The following NOD1 variants were observed in gnomAD, a reference collection of about 807,000 sequenced individuals.
NOD1 encodes the protein nucleotide binding oligomerization domain containing 1, also known as nucleotide-binding oligomerization domain-containing protein 1.
A neutral mutation model predicts 81.2 loss-of-function variants in NOD1; 70 were observed. The observed-to-expected ratio is 0.86, with a 90% CI of 0.71 to 1.05. The LOEUF is 1.05. NOD1 is among the 50% of genes least tolerant of loss of function. The probability of loss-of-function intolerance (pLI) is 0.00; values close to 1 mark genes in which losing one functional copy is unlikely to be tolerated. For synonymous variants in NOD1, 508 were observed against 526.9 expected, an observed-to-expected ratio of 0.96 and a Z score of 0.49; for missense variants, 1,233 against 1,228.0, an observed-to-expected ratio of 1.00 and a Z score of -0.06.
chr7:30,460,671 A>G (rs139167105), intron 1 of NOD1: 1 of 985,452 alleles, frequency 1.0e-6, no homozygotes, highest in African/African-American at 1.7e-5. Context: ...ACCAAAAGCC[A>G]TCTCCTGAGG....
Position 30,451,335 on chromosome 7 carries a change from G to C in NOD1, c.2082C>G (p.Ala694=). The change falls in exon 6 of 14, where the codon GCC becomes GCG. Residue 694 remains alanine, a synonymous_variant. Transcript: ENST00000222823. The surrounding 1 kb of genome is among the most constrained non-coding windows in gnomAD (Gnocchi z 4.2). The part of the protein sequence containing the change: ...YCNACSADCS[A]LSFVLHHFPK... ...GGAAGTGATGCAGGACGAAGGAGAG[G>C]GCGCTGCAGTCGGCCGAGCAGGCGT... is the stretch of plus-strand genomic sequence containing the variant. 2 of 1,614,190 alleles carry C rather than the reference G, an allele frequency of 1.2e-6. No homozygotes were observed. Among genetic ancestry groups the C allele is most frequent in the Non-Finnish European group, 1.7e-6 (2 of 1,180,044 alleles).
intron 11 of NOD1, 63 bp from the exon 12 acceptor site, chr7:30,433,242 T>TC: frequency 7.4e-7 from 1 of 1,344,336 alleles, no homozygotes; most frequent in South Asian, 1.2e-5. Context: ...GTTTTAGAGT[T>TC]CACAGGAGCG....
At chr7:30,470,311 A>G (rs1209608223) in intron 1 of NOD1, among the ~76,000 whole-genome samples, 2 of 152,244 alleles carry the variant, frequency 1.3e-5, no homozygotes, top group African/African-American at 4.8e-5. Flanking sequence ...CGTGACCTAC[A>G]AGAGGGCAGC....
chr7:30,432,116 AAAATT>A (rs1269541654), intron 12 of NOD1, among the ~76,000 whole-genome samples: 3 of 152,308 alleles, frequency 2.0e-5, no homozygotes, highest in African/African-American at 2.4e-5. Context: ...AAAAAAAACA[AAAATT>A]AAAAACTGTT....
At position 30,451,041 on chromosome 7, in the gene NOD1, C is replaced by T. The variant is rs1409612709; in HGVS notation, c.2201+175G>A. 6.6e-6 allele frequency among the ~76,000 whole-genome samples: 1 copy of T among 152,190 alleles called. No individual in the cohort carries two copies. The highest frequency in any genetic ancestry group is 1.5e-5 in the Non-Finnish European group (1 of 68,030). On this transcript the variant is annotated intron_variant, in intron 6 of 13. Coordinates refer to ENST00000222823, the MANE Select transcript of NOD1 (RefSeq NM_006092.4). The surrounding 1 kb of genome is among the most constrained non-coding windows in gnomAD (Gnocchi z 4.2). ...CCCAGCTGTGGCTGATCCAGGTCCA[C>T]CTGCCTCGAAGCTTTGCACCTTGAC...
At chr7:30,469,592 G>A (rs1387997046) in intron 1 of NOD1, among the ~76,000 whole-genome samples, 1 of 152,088 alleles carries the variant, frequency 6.6e-6, no homozygotes. Flanking sequence ...GGCCTTCTGG[G>A]AAGTCCAATG....
chr7:30,446,087 G>C (rs766286257), intron 9 of NOD1, 54 bp downstream of exon 9: 9 of 1,303,202 alleles, frequency 6.9e-6, no homozygotes, highest in South Asian at 2.4e-5. Flanking sequence ...AGCAAGGCCC[G>C]CCCCCCACAC....
At chr7:30,470,387 G>A (rs1010070145) in intron 1 of NOD1, among the ~76,000 whole-genome samples, 1 of 152,218 alleles carries the variant, frequency 6.6e-6, no homozygotes, top group Non-Finnish European at 1.5e-5. Flanking sequence ...GCGACCATCT[G>A]GTGAGTCACC....
intron 11 of NOD1, among the ~76,000 whole-genome samples, chr7:30,435,358 C>A (rs1269283871): frequency 6.6e-6 from 1 of 152,096 alleles, no homozygotes; most frequent in East Asian, 1.9e-4. Context: ...AATTTTGAGC[C>A]AAGTGTGTGG....
chr7:30,474,092 C>T (rs1444425216), intron 1 of NOD1, among the ~76,000 whole-genome samples: 1 of 152,208 alleles, frequency 6.6e-6, no homozygotes, highest in Non-Finnish European at 1.5e-5. Flanking sequence ...TCAAAGCAAT[C>T]TTTCCAGATA....
intron 5 of NOD1, 34 bp from the exon 6 acceptor site, chr7:30,453,074 G>C: frequency 3.2e-6 from 5 of 1,569,628 alleles, no homozygotes; most frequent in Non-Finnish European, 4.3e-6. Context: ...ACAGCAGCAG[G>C]GTGAGGAGAG....
intron 13 of NOD1, among the ~76,000 whole-genome samples, chr7:30,428,210 A>G (rs966764296): frequency 2.6e-5 from 4 of 152,106 alleles, no homozygotes; most frequent in Admixed American, 6.5e-5. Flanking sequence ...AGCTGGGACT[A>G]CAGGCACATA....
chr7:30,465,493 G>T (rs1012467273), intron 1 of NOD1, among the ~76,000 whole-genome samples: 2 of 152,264 alleles, frequency 1.3e-5, no homozygotes, highest in Non-Finnish European at 1.5e-5. Context: ...TTGTGACTAT[G>T]AGCGCCTTCC....
intron 12 of NOD1, among the ~76,000 whole-genome samples, chr7:30,431,311 T>C (rs538662306): frequency 6.6e-6 from 1 of 152,028 alleles, no homozygotes; most frequent in African/African-American, 2.4e-5. Context: ...ACAAGGTGAG[T>C]CTGAATTCAT....
intron 8 of NOD1, chr7:30,446,691 C>A (rs1785125590): frequency 4.5e-6 from 2 of 442,452 alleles, no homozygotes; most frequent in East Asian, 4.1e-5. Context: ...TCCCTTGGGG[C>A]AAAAAGACCA....
intron 5 of NOD1, among the ~76,000 whole-genome samples, chr7:30,454,290 G>A (rs540229318): frequency 6.8e-4 from 104 of 152,360 alleles, no homozygotes; most frequent in African/African-American, 2.5e-3. Context: ...CAAAAGCAGG[G>A]AAAGAAGACT....
chr7:30,426,214 C>T (rs943711787), intron 13 of NOD1, among the ~76,000 whole-genome samples: 2 of 152,054 alleles, frequency 1.3e-5, no homozygotes, highest in Non-Finnish European at 2.9e-5. Context: ...TTTGTATGTC[C>T]GTGGAGGCAG....
intron 8 of NOD1, chr7:30,446,616 C>G: frequency 2.5e-6 from 1 of 393,370 alleles, no homozygotes; most frequent in Non-Finnish European, 4.6e-6. Context: ...ACTGTCACCC[C>G]CTGCGCAGGG....
chr7:30,451,738 G>T lies in NOD1; in HGVS notation c.1679C>A (p.Pro560His). 6.2e-7 allele frequency: 1 copy of T among 1,613,848 alleles called. No homozygotes were observed. Among genetic ancestry groups the T allele is most frequent in the Non-Finnish European group, 8.5e-7 (1 of 1,180,030 alleles). Residue 560 changes from proline to histidine, a missense_variant, in exon 6 of 14, where the codon CCT becomes CAT. By Grantham distance (77) the Pro-to-His change is moderately conservative. Coordinates refer to ENST00000222823, the MANE Select transcript of NOD1 (RefSeq NM_006092.4). The surrounding 1 kb of genome is among the most constrained non-coding windows in gnomAD (Gnocchi z 4.2). Reference sequence around the variant, plus strand: ...CAGGCACTGGAACGGGAGGAAGGGAGGATAGCAGGACGTGGTCGCTGCCCC... The same window carrying T: ...CAGGCACTGGAACGGGAGGAAGGGATGATAGCAGGACGTGGTCGCTGCCCC... Reference protein sequence around the residue: ...PAGAATTSCYPPFLPFQCLQG... With the variant: ...PAGAATTSCYHPFLPFQCLQG...
Sources: gnomAD v4.1 joint callset for allele counts (sites outside exome capture counted in the v4.1 genomes callset) on GRCh38, gnomAD v4.1.1 for gene constraint, Gnocchi (gnomAD v3.1) non-coding constraint, MANE v1.5 for transcripts, NCBI Gene and HGNC (gene_info 2026-07-23, HGNC 2026-07-21) for gene names.